Variants in PRKG2 observed in about 807,000 individuals in gnomAD.
PRKG2 encodes cGMP-dependent protein kinase 2.
Under a neutral mutation model 97.2 loss-of-function variants are expected in PRKG2, and 33 were observed. The observed-to-expected ratio is 0.34, with a 90% CI of 0.26 to 0.45. The LOEUF (loss-of-function observed/expected upper bound fraction) is 0.45, where lower values mean the gene tolerates loss of function less well. Among genes scored for constraint, PRKG2 ranks in the 20% least tolerant of loss-of-function variants. PRKG2 has a pLI of 1.00. For synonymous variants in PRKG2, 330 were observed against 321.8 expected (o/e 1.03, Z -0.27); for missense variants, 638 against 900.0 (o/e 0.71, Z 3.73).
intron 2 of PRKG2, among the ~76,000 whole-genome samples, chr4:81,194,700 A>G (rs1300386015): frequency 6.6e-6 from 1 of 152,240 alleles, no homozygotes; most frequent in Non-Finnish European, 1.5e-5. Context: ...AAACTTACAA[A>G]GAAGTTTATC....
chr4:81,093,405 A>ACACACACAC (rs1560528514), intron 17 of PRKG2, among the ~76,000 whole-genome samples: 2 of 135,870 alleles, frequency 1.5e-5, no homozygotes, highest in African/African-American at 3.2e-5. Context: ...ACACACACAC[A>ACACACACAC]AGCTTCTTAT....
At chr4:81,113,785 T>C (rs1744219022) in intron 14 of PRKG2, among the ~76,000 whole-genome samples, 1 of 152,184 alleles carries the variant, frequency 6.6e-6, no homozygotes, top group Admixed American at 6.5e-5. Context: ...TTTAGTGTAC[T>C]TCCTTTACCC....
chr4:81,100,670 T>A (rs1742652503), intron 17 of PRKG2, among the ~76,000 whole-genome samples: 1 of 152,074 alleles, frequency 6.6e-6, no homozygotes, highest in African/African-American at 2.4e-5. Flanking sequence ...GGACTTCATG[T>A]CTAAAACACC....
chr4:81,151,583 T>A (rs903448117), intron 8 of PRKG2, among the ~76,000 whole-genome samples: 1 of 152,078 alleles, frequency 6.6e-6, no homozygotes, highest in South Asian at 2.1e-4. Context: ...ACAAAATATA[T>A]AAAATTATTT....
intron 6 of PRKG2, among the ~76,000 whole-genome samples, chr4:81,155,903 C>A (rs1038610939): frequency 6.6e-6 from 1 of 152,024 alleles, no homozygotes; most frequent in African/African-American, 2.4e-5. Flanking sequence ...ACCACCAGGC[C>A]TGCCCTAAAA....
At chr4:81,207,523 GTT>G (rs1196074488) in intron 1 of PRKG2, among the ~76,000 whole-genome samples, 1 of 152,120 alleles carries the variant, frequency 6.6e-6, no homozygotes, top group African/African-American at 2.4e-5. Context: ...ACAGAAAACA[GTT>G]TTAGCATTAC....
At chr4:81,194,777 G>C (rs1035618323) in intron 2 of PRKG2, among the ~76,000 whole-genome samples, 37 of 152,178 alleles carry the variant, frequency 2.4e-4, no homozygotes, top group African/African-American at 8.0e-4. Flanking sequence ...AAGGCAAACA[G>C]TTCCTTTAAA....
Position 81,088,649 on chromosome 4 carries a change from T to C in PRKG2, c.*1059A>G, listed in dbSNP as rs1323420439. 3 of 152,308 alleles carry C rather than the reference T, an allele frequency of 2.0e-5. No individual in the cohort carries two copies. Among genetic ancestry groups the C allele is most frequent in the South Asian group, 2.1e-4 (1 of 4,832 alleles). The allele number at this position is 152,308 out of a possible 1,614,324, so 9.4% of individuals were successfully genotyped here. Reference sequence around the variant, plus strand: ...TGCCTGTCTTAACAATCTAAATTTATAAACACATCCATGACTCAGATGTCT... The same window carrying C: ...TGCCTGTCTTAACAATCTAAATTTACAAACACATCCATGACTCAGATGTCT... On this transcript the variant is annotated 3_prime_UTR_variant, in exon 19 of 19. Coordinates refer to ENST00000264399, the MANE Select transcript of PRKG2 (RefSeq NM_006259.3).
chr4:81,180,415 T>C lies in PRKG2; in HGVS notation c.462-5456A>G, dbSNP rs186863143. The stretch of plus-strand genomic sequence containing the variant: ...AATAAGATACATGCCTTAAAGATAA[T>C]GTATGGAAAGGCTGAAAATAAAAAA... On this transcript the variant is annotated intron_variant, in intron 2 of 18. Coordinates refer to ENST00000264399, the MANE Select transcript of PRKG2 (RefSeq NM_006259.3). 3.3e-5 allele frequency among the ~76,000 whole-genome samples: 5 copies of C among 152,054 alleles called. No individual in the cohort carries two copies. The East Asian group carries it at 9.7e-4, about 29-fold the overall frequency.
In PRKG2 at chr4:81,104,354, A is replaced by G. The variant is rs752456689; in HGVS notation, c.2126+16T>C. ...TAAATTTCTATATTTTTCTGGGCAA[A>G]GAAATAATTATGTACCTGTGTTTCT... On this transcript the variant is annotated intron_variant, in intron 17 of 18. Transcript: ENST00000264399. 8.6e-6 allele frequency: 13 copies of G among 1,509,044 alleles called. 1 individual carries two copies. Among genetic ancestry groups the G allele is most frequent in the South Asian group, 2.5e-5 (2 of 78,478 alleles). 93.5% of individuals were successfully genotyped at this position (1,509,044 alleles called of 1,614,324 possible). A position where few individuals can be genotyped will look rare whatever the true frequency, so the allele number is the denominator to read the frequency against.
intron 2 of PRKG2, among the ~76,000 whole-genome samples, chr4:81,194,035 C>A (rs1752778830): frequency 6.6e-6 from 1 of 152,100 alleles, no homozygotes; most frequent in Admixed American, 6.6e-5. Flanking sequence ...AAAAACCCAG[C>A]TAGAGATTTT....
At chr4:81,115,114 C>T (rs372458091) in intron 14 of PRKG2, among the ~76,000 whole-genome samples, 15 of 151,908 alleles carry the variant, frequency 9.9e-5, no homozygotes, top group Non-Finnish European at 1.8e-4. Context: ...TTCTAGGTTA[C>T]GCAGTAGAAA....
rs187173773 is a variant in PRKG2, at chr4:81,184,865, A to G, written c.462-9906T>C. Among the ~76,000 whole-genome samples, 81 of 152,340 alleles carry G rather than the reference A, an allele frequency of 5.3e-4. 1 individual carries two copies. The highest frequency in any genetic ancestry group is 1.6e-3 in the Admixed American group (24 of 15,306). On this transcript the variant is annotated intron_variant, in intron 2 of 18. Transcript: ENST00000264399. ...AGCATATACAAGTATTGATAGTTGA[A>G]TCAATCAAGCGAAAGAAAGGATATC...
intron 2 of PRKG2, among the ~76,000 whole-genome samples, chr4:81,178,739 T>A (rs1751145707): frequency 6.6e-6 from 1 of 151,268 alleles, no homozygotes; most frequent in South Asian, 2.1e-4. Flanking sequence ...ATATGAGGCA[T>A]AATAGAGAAG....
intron 2 of PRKG2, among the ~76,000 whole-genome samples, chr4:81,180,888 G>T (rs1369623404): frequency 5.3e-5 from 8 of 151,822 alleles, no homozygotes; most frequent in Non-Finnish European, 1.0e-4. Context: ...CAATGTGCAG[G>T]TTTGTTACAT....
chr4:81,135,672 G>C (rs879320530), intron 13 of PRKG2, among the ~76,000 whole-genome samples: 16 of 152,112 alleles, frequency 1.1e-4, no homozygotes, highest in Non-Finnish European at 2.2e-4. Flanking sequence ...CTTATTGCTT[G>C]ACTTAAAAAT....
rs140080099 is a variant in PRKG2 at position 81,092,415 on chromosome 4, G to C, written c.2164C>G (p.Arg722Gly). The change falls in exon 18 of 19, where the codon CGG becomes GGG. Residue 722 changes from arginine (R) to glycine (G), a missense_variant. Arg to Gly is a moderately radical substitution (Grantham distance 125, BLOSUM62 -2). Transcript: ENST00000264399. ...NGFNWEGLKA[R>G]SLPSPLQREL... is the part of the protein sequence containing the mutation. ...CTTTGCAAAGGTGATGGAAGGCTCC[G>C]TGCTTTCAGTCCCTCCCAATTAAAA... The C allele has an allele frequency of 2.3e-4, 364 of 1,593,320 alleles. No individual in the cohort carries two copies. The highest frequency in any genetic ancestry group is 2.9e-4 in the Non-Finnish European group (341 of 1,165,974).
intron 15 of PRKG2, among the ~76,000 whole-genome samples, chr4:81,109,027 G>A (rs1743643568): frequency 6.6e-6 from 1 of 152,196 alleles, no homozygotes; most frequent in South Asian, 2.1e-4. Flanking sequence ...TACAAATGCA[G>A]CTGACAAATT....
intron 14 of PRKG2, among the ~76,000 whole-genome samples, chr4:81,115,870 C>T (rs999888280): frequency 2.6e-5 from 4 of 152,166 alleles, no homozygotes; most frequent in African/African-American, 7.2e-5. Flanking sequence ...AGCTTTTATA[C>T]ACTTTTGTTA....
Sources: allele counts gnomAD v4.1 joint callset (sites outside exome capture counted in the v4.1 genomes callset), GRCh38; gene constraint gnomAD v4.1.1; transcripts MANE v1.5; gene names NCBI Gene and HGNC (gene_info 2026-07-23, HGNC 2026-07-21).